MS4A14: variants seen among roughly 807,000 people sequenced by gnomAD.
MS4A14 encodes the protein membrane-spanning 4-domains subfamily A member 14.
Under a neutral mutation model 16.7 loss-of-function variants are expected in MS4A14, and 18 were observed. That is an observed-to-expected ratio of 1.08 (90% confidence interval 0.75 to 1.60). MS4A14 has a LOEUF of 1.60. Ranked by LOEUF, MS4A14 falls within the 40% of genes most tolerant of loss-of-function variation. The probability of loss-of-function intolerance (pLI) is 0.00; values close to 1 mark genes in which losing one functional copy is unlikely to be tolerated. For synonymous variants in MS4A14, 305 were observed against 289.4 expected, an observed-to-expected ratio of 1.05 and a Z score of -0.55; for missense variants, 812 against 775.3, an observed-to-expected ratio of 1.05 and a Z score of -0.56.
At chr11:60,398,997 T>C (rs945592978) in intron 2 of MS4A14, among the ~76,000 whole-genome samples, 1 of 152,230 alleles carries the variant, frequency 6.6e-6, no homozygotes, top group African/African-American at 2.4e-5. Flanking sequence ...GGCATGCTGC[T>C]TTTGAAAACT....
chr11:60,412,936 C>G (rs184977962), intron 4 of MS4A14, among the ~76,000 whole-genome samples: 136 of 152,026 alleles, frequency 8.9e-4, no homozygotes, highest in Non-Finnish European at 1.6e-3. Flanking sequence ...AATTTATAAA[C>G]AATTTACTTC....
intron 4 of MS4A14, among the ~76,000 whole-genome samples, chr11:60,405,712 A>G (rs1006324088): frequency 2.0e-5 from 3 of 152,174 alleles, no homozygotes; most frequent in Non-Finnish European, 4.4e-5. Context: ...GGAGTTTGTT[A>G]TCCCTGCCTC....
intron 4 of MS4A14, among the ~76,000 whole-genome samples, chr11:60,406,950 A>G (rs1033694335): frequency 2.7e-5 from 4 of 149,682 alleles, no homozygotes; most frequent in South Asian, 2.1e-4. Context: ...TGTTGCCTCT[A>G]TCAAGAATTC....
rs1284059711 is a variant in MS4A14, at chr11:60,415,558, C to A, written c.590C>A (p.Ala197Glu). 1 of 1,613,786 alleles carries A rather than the reference C, an allele frequency of 6.2e-7. No homozygotes were observed. Among genetic ancestry groups the A allele is most frequent in the Non-Finnish European group, 8.5e-7 (1 of 1,179,790 alleles). ...TCCAGTGATGATTCAACAACAAATG[C>A]ACAATCTGTTATCTTTGGAGGCTAT... ...EFSSDDSTTN[A>E]QSVIFGGYAF... The change falls in exon 5 of 5, where the codon GCA becomes GAA. Residue 197 changes from alanine (A) to glutamate (E), a missense_variant. By Grantham distance (107) the Ala-to-Glu change is moderately radical. Transcript: ENST00000300187.
chr11:60,409,043 T>C (rs1374008491), intron 4 of MS4A14, among the ~76,000 whole-genome samples: 1 of 152,188 alleles, frequency 6.6e-6, no homozygotes, highest in Non-Finnish European at 1.5e-5. Flanking sequence ...TAATTGTACA[T>C]ATTTATGGGG....
intron 2 of MS4A14, among the ~76,000 whole-genome samples, chr11:60,399,140 T>C (rs74621542): frequency 0.098 from 14,947 of 152,290 alleles, 892 homozygotes; most frequent in South Asian, 0.24. Flanking sequence ...ATTTAGACAG[T>C]TTGTCATCTA....
At chr11:60,403,252 C>G (rs2085741768) in intron 4 of MS4A14, 191 bp downstream of exon 4, 2 of 593,812 alleles carry the variant, frequency 3.4e-6, no homozygotes, top group African/African-American at 3.7e-5. Flanking sequence ...GAATCCTGTT[C>G]ACACAAGCTT....
chr11:60,415,408 A>G (rs750686338), intron 4 of MS4A14, 29 bp from the exon 5 acceptor site: 1 of 1,548,742 alleles, frequency 6.5e-7, no homozygotes, highest in Admixed American at 2.1e-5. Context: ...ATTCTGTCAT[A>G]TTAATTACCC....
chr11:60,408,000 A>T (rs7120356), intron 4 of MS4A14, among the ~76,000 whole-genome samples: 5 of 151,906 alleles, frequency 3.3e-5, no homozygotes, highest in Non-Finnish European at 7.4e-5. Flanking sequence ...CTTTTCCTAC[A>T]GAAGTTTTAT....
At position 60,403,050 on chromosome 11, in the gene MS4A14, A is replaced by G; in HGVS notation, c.457A>G (p.Thr153Ala). Reference protein sequence around the residue: ...SFEEICVFSRTLFIVLFFLPS... With the variant: ...SFEEICVFSRALFIVLFFLPS... ...TGAAGAAATATGTGTTTTCAGTAGAACTCTTTTCATTGTAAGTGGTCTTAT... is the reference window on the plus strand; with the variant it reads ...TGAAGAAATATGTGTTTTCAGTAGAGCTCTTTTCATTGTAAGTGGTCTTAT... The change falls in exon 4 of 5, where the codon ACT becomes GCT. Residue 153 changes from threonine to alanine, a missense_variant. Thr to Ala is a moderately conservative substitution (Grantham distance 58). Transcript: ENST00000300187. 6.2e-7 allele frequency: 1 copy of G among 1,613,310 alleles called. No homozygotes were observed. Among genetic ancestry groups the G allele is most frequent in the Non-Finnish European group, 8.5e-7 (1 of 1,179,556 alleles).
intron 1 of MS4A14, among the ~76,000 whole-genome samples, chr11:60,397,100 A>G (rs1336876081): frequency 6.6e-6 from 1 of 152,172 alleles, no homozygotes; most frequent in Non-Finnish European, 1.5e-5. Context: ...TTCATCACAA[A>G]TGCACCCAGG....
At chr11:60,415,327 G>T in intron 4 of MS4A14, 110 bp from the exon 5 acceptor site, 1 of 1,187,342 alleles carries the variant, frequency 8.4e-7, no homozygotes, top group Non-Finnish European at 1.2e-6. Context: ...TCATTTAGAT[G>T]TTATTTCCTA....
chr11:60,416,598 A>G lies in MS4A14; in HGVS notation c.1630A>G (p.Lys544Glu). ...DQQIKDWLSP[K>E]RHSVDKQAQL... Reference sequence around the variant, plus strand: ...GCAAATCAAAGACTGGCTATCCCCAAAGAGGCACTCCGTAGATAAGCAAGC... The same window carrying G: ...GCAAATCAAAGACTGGCTATCCCCAGAGAGGCACTCCGTAGATAAGCAAGC... The change falls in exon 5 of 5, where the codon AAG (lysine) becomes GAG (glutamate). Residue 544 changes from lysine to glutamate, a missense_variant. Physicochemically the swap from Lys to Glu is moderately conservative, Grantham distance 56 (BLOSUM62 1). Transcript: ENST00000300187. 1.2e-6 allele frequency: 2 copies of G among 1,613,924 alleles called. No individual in the cohort carries two copies. The highest frequency in any genetic ancestry group is 1.7e-6 in the Non-Finnish European group (2 of 1,179,936).
At chr11:60,411,193 A>T (rs2085864949) in intron 4 of MS4A14, among the ~76,000 whole-genome samples, 1 of 152,196 alleles carries the variant, frequency 6.6e-6, no homozygotes, top group Non-Finnish European at 1.5e-5. Flanking sequence ...TCAAAGTTGG[A>T]AAGTATAATC....
At position 60,396,592 on chromosome 11, in the gene MS4A14, C is replaced by G; in HGVS notation, c.14C>G (p.Ser5Cys). The G allele has an allele frequency of 6.2e-7, 1 of 1,613,804 alleles. No individual in the cohort carries two copies. Among genetic ancestry groups the G allele is most frequent in the Non-Finnish European group, 8.5e-7 (1 of 1,179,864 alleles). MESTSQDRRATHVIT... is the reference protein window; with the variant it reads MESTCQDRRATHVIT... ...TGCCATAGAATCATGGAGTCAACAT[C>G]CCAGGACAGAAGGGCAACTCACGTC... Residue 5 changes from serine (S) to cysteine (C), a missense_variant, in exon 1 of 5, where the codon TCC becomes TGC. Coordinates refer to ENST00000300187, the MANE Select transcript of MS4A14 (RefSeq NM_032597.5).
chr11:60,397,978 A>T lies in MS4A14; in HGVS notation c.265A>T (p.Ile89Phe), dbSNP rs757766029. ...AGGATATCCATTCTGGGGAGCACTT[A>T]TTGTGAGTACTGTCGATTAGAAGCT... ...LTGYPFWGAL[I>F]FILTGYLTVT... The change falls in exon 2 of 5, where the codon ATT becomes TTT. Residue 89 changes from isoleucine (I) to phenylalanine (F), a missense_variant and splice_region_variant. Physicochemically the swap from Ile to Phe is conservative, Grantham distance 21 (BLOSUM62 0). Transcript: ENST00000300187. 2 of 1,613,068 alleles carry T rather than the reference A, an allele frequency of 1.2e-6. No homozygotes were observed. The highest frequency in any genetic ancestry group is 2.2e-5 in the South Asian group (2 of 91,052).
At position 60,397,966 on chromosome 11, in the gene MS4A14, T is replaced by C. The variant is rs1297388736; in HGVS notation, c.253T>C (p.Trp85Arg). The change falls in exon 2 of 5, where the codon TGG becomes CGG. Residue 85 changes from tryptophan (W) to arginine (R), a missense_variant. Transcript: ENST00000300187. ...PLVVLTGYPF[W>R]GALIFILTGY... ...TGTTGTCCTCACAGGATATCCATTC[T>C]GGGGAGCACTTATTGTGAGTACTGT... 5.6e-6 allele frequency: 9 copies of C among 1,613,310 alleles called. No individual in the cohort carries two copies. In the Admixed American group the frequency reaches 1.3e-4, roughly 24 times the overall value.
chr11:60,404,593 C>T (rs750650092), intron 4 of MS4A14: 15 of 456,930 alleles, frequency 3.3e-5, no homozygotes, highest in Non-Finnish European at 6.2e-5. Context: ...TCCTATAATC[C>T]CTTAATGTGT....
In MS4A14 at chr11:60,417,038, G is replaced by A; in HGVS notation, c.*30G>A. The A allele has an allele frequency of 6.3e-7, 1 of 1,577,554 alleles. No homozygotes were observed. The highest frequency in any genetic ancestry group is 8.6e-7 in the Non-Finnish European group (1 of 1,165,030). On this transcript the variant is annotated 3_prime_UTR_variant, in exon 5 of 5. Transcript: ENST00000300187. ...GGGCTGGAGAAACAAAGATTATAAAGCACGAGAATGGCAATTTGAAATGAA... is the reference window on the plus strand; with the variant it reads ...GGGCTGGAGAAACAAAGATTATAAAACACGAGAATGGCAATTTGAAATGAA...
Sources: allele counts gnomAD v4.1 joint callset (sites outside exome capture counted in the v4.1 genomes callset), GRCh38; gene constraint gnomAD v4.1.1; transcripts MANE v1.5; gene names NCBI Gene and HGNC (gene_info 2026-07-23, HGNC 2026-07-21).